The following ARFGEF1 variants were observed in gnomAD, a reference collection of about 807,000 sequenced individuals.
The protein encoded by ARFGEF1 is brefeldin A-inhibited guanine nucleotide-exchange protein 1.
A neutral mutation model predicts 231.0 loss-of-function variants in ARFGEF1; 42 were observed. That is an observed-to-expected ratio of 0.18 (90% CI 0.14 to 0.24). ARFGEF1 has a LOEUF of 0.24. ARFGEF1 is among the 10% of genes least tolerant of loss of function. The pLI, the probability that ARFGEF1 is intolerant of heterozygous loss-of-function variation, is 1.00. For synonymous variants in ARFGEF1, 710 were observed against 732.3 expected (o/e 0.97, Z 0.49); for missense variants, 1,345 against 2,192.0 (o/e 0.61, Z 7.72).
chr8:67,231,349 TGTTTTTAG>T (rs1205191734), intron 23 of ARFGEF1, among the ~76,000 whole-genome samples: 2 of 152,132 alleles, frequency 1.3e-5, no homozygotes, highest in African/African-American at 4.8e-5. Context: ...ATTGGATTTA[TGTTTTTAG>T]AAGTATCTGG....
At chr8:67,233,648 G>A (rs1040841443) in intron 22 of ARFGEF1, among the ~76,000 whole-genome samples, 2 of 151,862 alleles carry the variant, frequency 1.3e-5, no homozygotes, top group Non-Finnish European at 2.9e-5. Flanking sequence ...ACCATTTCAT[G>A]AGTGATTTCC....
intron 14 of ARFGEF1, among the ~76,000 whole-genome samples, chr8:67,261,458 G>T (rs1032338747): frequency 7.9e-5 from 12 of 152,172 alleles, no homozygotes; most frequent in Non-Finnish European, 1.6e-4. Flanking sequence ...ACAAAGCCTG[G>T]ATGACAGCAC....
At chr8:67,280,967 T>C (rs1173835928) in intron 7 of ARFGEF1, among the ~76,000 whole-genome samples, 2 of 151,406 alleles carry the variant, frequency 1.3e-5, no homozygotes, top group African/African-American at 4.9e-5. Flanking sequence ...TTCCAGTTAG[T>C]ATAGTCAGTG....
At chr8:67,258,900 A>G (rs1840553980) in intron 15 of ARFGEF1, among the ~76,000 whole-genome samples, 1 of 151,764 alleles carries the variant, frequency 6.6e-6, no homozygotes, top group South Asian at 2.1e-4. Flanking sequence ...AGGACCCTGC[A>G]TGGACACCAA....
chr8:67,181,553 A>G (rs920593677), intron 5 of ARFGEF1, among the ~76,000 whole-genome samples: 12 of 152,038 alleles, frequency 7.9e-5, no homozygotes, highest in African/African-American at 2.9e-4. Context: ...AGCAGTATTT[A>G]TGGTTAACAG....
At chr8:67,180,249 G>A (rs1021675509) in intron 5 of ARFGEF1, among the ~76,000 whole-genome samples, 3 of 152,138 alleles carry the variant, frequency 2.0e-5, no homozygotes, top group Non-Finnish European at 2.9e-5. Context: ...CCATGCCATG[G>A]AATACCACTT....
Position 67,343,582 on chromosome 8 carries a change from G to A in ARFGEF1, c.-295C>T. On this transcript the variant is annotated 5_prime_UTR_variant, in exon 1 of 39. The change creates a new upstream start codon in the 5' untranslated region. Coordinates refer to ENST00000262215, the MANE Select transcript of ARFGEF1 (RefSeq NM_006421.5). ...CGCGTCCCGGCCGCCCCTCTCACTC[G>A]TCCCTCCGGCCCTGGTGGCGGTGAG... 1 of 1,096,098 alleles carries A rather than the reference G, an allele frequency of 9.1e-7. No individual in the cohort carries two copies. The highest frequency in any genetic ancestry group is 1.1e-6 in the Non-Finnish European group (1 of 900,776). 67.9% of individuals were successfully genotyped at this position (1,096,098 alleles called of 1,614,324 possible).
intron 1 of ARFGEF1, among the ~76,000 whole-genome samples, chr8:67,312,345 G>A (rs1807113505): frequency 6.6e-6 from 1 of 151,438 alleles, no homozygotes; most frequent in Non-Finnish European, 1.5e-5. Flanking sequence ...AATATCGATA[G>A]AAGAAAAATG....
intron 29 of ARFGEF1, among the ~76,000 whole-genome samples, chr8:67,221,975 G>A (rs11994367): frequency 0.015 from 2,201 of 150,620 alleles, 45 homozygotes; most frequent in African/African-American, 0.04. Context: ...CACCACGCCC[G>A]GCTAATTTTT....
At chr8:67,324,377 G>C (rs1449997772) in intron 1 of ARFGEF1, among the ~76,000 whole-genome samples, 1 of 152,144 alleles carries the variant, frequency 6.6e-6, no homozygotes, top group Non-Finnish European at 1.5e-5. Flanking sequence ...CAGTCATACT[G>C]AACTCCCTGC....
chr8:67,201,033 C>T (rs1838307313), intron 37 of ARFGEF1, among the ~76,000 whole-genome samples: 1 of 152,240 alleles, frequency 6.6e-6, no homozygotes, highest in Non-Finnish European at 1.5e-5. Flanking sequence ...CGTATTCTTT[C>T]TGAATGGCAT....
intron 19 of ARFGEF1, among the ~76,000 whole-genome samples, 198 bp from the exon 20 acceptor site, chr8:67,240,488 C>G (rs182807930): frequency 6.6e-6 from 1 of 151,968 alleles, no homozygotes; most frequent in South Asian, 2.1e-4. Flanking sequence ...ATAATACATT[C>G]AATAGAGGAC....
At chr8:67,223,532 G>A (rs564207097) in intron 29 of ARFGEF1, among the ~76,000 whole-genome samples, 69 of 152,200 alleles carry the variant, frequency 4.5e-4, no homozygotes, top group Admixed American at 4.5e-3. Context: ...ACATATCCTG[G>A]GATGAGGTAG....
chr8:67,200,317 G>T, intron 38 of ARFGEF1, 79 bp downstream of exon 38: 1 of 1,001,568 alleles, frequency 1.0e-6, no homozygotes, highest in Non-Finnish European at 1.6e-6. Flanking sequence ...GAGAGCTCTT[G>T]CACGGCGGCT....
intron 36 of ARFGEF1, 98 bp downstream of exon 36, chr8:67,202,985 C>A: frequency 7.8e-7 from 1 of 1,279,108 alleles, no homozygotes; most frequent in Non-Finnish European, 1.1e-6. Context: ...GTGACATGCA[C>A]AGACCTATAG....
At chr8:67,324,873 A>G (rs1256279267) in intron 1 of ARFGEF1, among the ~76,000 whole-genome samples, 1 of 152,170 alleles carries the variant, frequency 6.6e-6, no homozygotes, top group Admixed American at 6.6e-5. Context: ...TTAAAATACA[A>G]AACATTAGGT....
At chr8:67,325,387 G>C (rs1182005969) in intron 1 of ARFGEF1, among the ~76,000 whole-genome samples, 1 of 152,108 alleles carries the variant, frequency 6.6e-6, no homozygotes, top group African/African-American at 2.4e-5. Context: ...TCACTTCAAA[G>C]GTTGTTTTTA....
At chr8:67,335,327 G>A (rs143378801) in intron 1 of ARFGEF1, among the ~76,000 whole-genome samples, 3,407 of 151,846 alleles carry the variant, frequency 0.022, 79 homozygotes, top group South Asian at 0.047. Flanking sequence ...GGATGGTCTC[G>A]ATCTCCTCAC....
chr8:67,281,491 C>T (rs775509099), intron 7 of ARFGEF1, among the ~76,000 whole-genome samples: 4 of 151,222 alleles, frequency 2.6e-5, no homozygotes, highest in Admixed American at 2.0e-4. Flanking sequence ...AAAACAAAAG[C>T]AATCATCAAA....
Sources: gnomAD v4.1 joint callset for allele counts (sites outside exome capture counted in the v4.1 genomes callset) on GRCh38, gnomAD v4.1.1 for gene constraint, MANE v1.5 for transcripts, NCBI Gene and HGNC (gene_info 2026-07-23, HGNC 2026-07-21) for gene names.